ATXN1: variants seen among roughly 807,000 people sequenced by gnomAD.
ATXN1 encodes ataxin 1.
ATXN1 carries 8 observed loss-of-function variants against 56.4 expected under a neutral mutation model. The ratio of observed to expected loss-of-function variants is 0.14; its 90% CI spans 0.08 to 0.26. The LOEUF is 0.26. Ranked by LOEUF, ATXN1 falls within the 10% of genes least tolerant of loss-of-function variation. ATXN1 has a pLI of 1.00. For synonymous variants in ATXN1, 514 were observed against 494.6 expected (o/e 1.04, Z -0.52); for missense variants, 987 against 1,106.5 (o/e 0.89, Z 1.53).
chr6:16,393,450 G>C (rs10949355), intron 6 of ATXN1, among the ~76,000 whole-genome samples: 15,593 of 152,092 alleles, frequency 0.1, 1,312 homozygotes, highest in East Asian at 0.47. Flanking sequence ...GCCCAGGCCG[G>C]TCTTGAATTC....
At chr6:16,514,747 G>T (rs951267049) in intron 5 of ATXN1, among the ~76,000 whole-genome samples, 1 of 151,994 alleles carries the variant, frequency 6.6e-6, no homozygotes, top group African/African-American at 2.4e-5. Context: ...ACTTTGGGAG[G>T]CCAAGGTGGG....
chr6:16,696,159 G>C (rs1252764027), intron 2 of ATXN1, among the ~76,000 whole-genome samples: 1 of 152,156 alleles, frequency 6.6e-6, no homozygotes, highest in East Asian at 1.9e-4. Flanking sequence ...ACACTGGCTA[G>C]GTGGAGAGAG....
At chr6:16,623,382 G>C (rs1230126697) in intron 3 of ATXN1, among the ~76,000 whole-genome samples, 1 of 152,052 alleles carries the variant, frequency 6.6e-6, no homozygotes, top group Admixed American at 6.6e-5. Context: ...TTCATTACTG[G>C]GAACTCCAGA....
rs145305083 is a variant in ATXN1, at chr6:16,332,763, C to T, written c.-160-4293G>A. ...TGTTCTGAATACATTCATCTTAAGC[C>T]GCTTTAGAGCTACATTAACTATCTC... On this transcript the variant is annotated intron_variant, in intron 6 of 7. Transcript: ENST00000436367. Among the ~76,000 whole-genome samples the T allele has an allele frequency of 5.3e-5, 8 of 152,250 alleles. No individual in the cohort carries two copies. The East Asian group carries it at 1.3e-3, about 26-fold the overall frequency.
chr6:16,637,996 G>T (rs977572880), intron 3 of ATXN1, among the ~76,000 whole-genome samples: 1 of 152,166 alleles, frequency 6.6e-6, no homozygotes, highest in Non-Finnish European at 1.5e-5. Flanking sequence ...TCACATACTA[G>T]TATGAAAGAG....
At chr6:16,347,796 G>T (rs1223215690) in intron 6 of ATXN1, among the ~76,000 whole-genome samples, 1 of 152,226 alleles carries the variant, frequency 6.6e-6, no homozygotes, top group Non-Finnish European at 1.5e-5. Flanking sequence ...CATGGGTAGG[G>T]CCAGATAAGA....
rs1445833029 is a variant in ATXN1 at position 16,305,188 on chromosome 6, A to G, written c.*1141T>C. ...ATGAGAGACCAAGATGCTTGGTAAT[A>G]AAGTGTGAACAGTATTTTTAAATGC... On this transcript the variant is annotated 3_prime_UTR_variant, in exon 8 of 8. Coordinates refer to ENST00000436367, the MANE Select transcript of ATXN1 (RefSeq NM_001128164.2). 5 of 152,650 alleles carry G rather than the reference A, an allele frequency of 3.3e-5. No individual in the cohort carries two copies. The highest frequency in any genetic ancestry group is 7.3e-5 in the Non-Finnish European group (5 of 68,042). 9.5% of individuals were successfully genotyped at this position (152,650 alleles called of 1,614,324 possible).
At chr6:16,523,446 A>C (rs1437905242) in intron 4 of ATXN1, among the ~76,000 whole-genome samples, 1 of 152,018 alleles carries the variant, frequency 6.6e-6, no homozygotes, top group Non-Finnish European at 1.5e-5. Context: ...CAACTCCTAG[A>C]CTCAAACTCC....
intron 2 of ATXN1, among the ~76,000 whole-genome samples, chr6:16,703,782 G>A (rs1308577707): frequency 6.6e-6 from 1 of 152,242 alleles, no homozygotes; most frequent in African/African-American, 2.4e-5. Context: ...CACTTTGGGA[G>A]GCCGAGGCGG....
chr6:16,563,839 T>A (rs1260566405), intron 4 of ATXN1, among the ~76,000 whole-genome samples: 3 of 152,132 alleles, frequency 2.0e-5, no homozygotes, highest in Non-Finnish European at 4.4e-5. Context: ...TCATCATCTT[T>A]TTGTCAACGG....
At position 16,327,177 on chromosome 6, in the gene ATXN1, G is replaced by C; in HGVS notation, c.1134C>G (p.Val378=). Residue 378 remains valine (V), a synonymous_variant, in exon 7 of 8, where the codon GTC becomes GTG. Coordinates refer to ENST00000436367, the MANE Select transcript of ATXN1 (RefSeq NM_001128164.2). ...SDYSSRDPSG[V]RASVMVLPNS... ...TGGGCAGGACCATCACAGAGGCCCG[G>C]ACCCCCGAAGGATCACGACTGCTGT... 1 of 1,613,886 alleles carries C rather than the reference G, an allele frequency of 6.2e-7. No individual in the cohort carries two copies. Among genetic ancestry groups the C allele is most frequent in the Non-Finnish European group, 8.5e-7 (1 of 1,180,028 alleles).
intron 4 of ATXN1, among the ~76,000 whole-genome samples, chr6:16,566,929 T>A (rs970421982): frequency 2.9e-4 from 44 of 152,160 alleles, no homozygotes; most frequent in African/African-American, 1.0e-3. Flanking sequence ...CCTAGGCTAG[T>A]CTCAAACTCC....
intron 5 of ATXN1, among the ~76,000 whole-genome samples, chr6:16,501,789 G>A (rs1760890550): frequency 6.6e-6 from 1 of 152,104 alleles, no homozygotes; most frequent in Non-Finnish European, 1.5e-5. Context: ...ACATATGTGT[G>A]CATGTGTCTT....
At chr6:16,310,777 G>A (rs1023218896) in intron 7 of ATXN1, among the ~76,000 whole-genome samples, 2 of 152,184 alleles carry the variant, frequency 1.3e-5, no homozygotes, top group African/African-American at 2.4e-5. Flanking sequence ...GTGAGCCACC[G>A]TGTCAGGCCT....
chr6:16,720,015 CAG>C (rs1759714875), intron 2 of ATXN1, among the ~76,000 whole-genome samples: 2 of 152,182 alleles, frequency 1.3e-5, no homozygotes, highest in African/African-American at 4.8e-5. Flanking sequence ...GGAAAACTAA[CAG>C]AGTTTCCCAT....
intron 6 of ATXN1, among the ~76,000 whole-genome samples, chr6:16,477,781 C>T (rs909396753): frequency 2.6e-5 from 4 of 152,210 alleles, no homozygotes; most frequent in African/African-American, 9.7e-5. Context: ...GCCTGGACTA[C>T]CCATTAATTC....
chr6:16,565,832 A>G (rs1762206634), intron 4 of ATXN1, among the ~76,000 whole-genome samples: 1 of 152,248 alleles, frequency 6.6e-6, no homozygotes. Context: ...ATCATGTTTT[A>G]TAACAGGTTA....
chr6:16,709,331 T>G (rs1464997494), intron 2 of ATXN1, among the ~76,000 whole-genome samples: 2 of 152,104 alleles, frequency 1.3e-5, no homozygotes, highest in African/African-American at 4.8e-5. Flanking sequence ...AATAAAAAAC[T>G]TCTTGAAAAA....
intron 5 of ATXN1, among the ~76,000 whole-genome samples, chr6:16,491,090 A>ATT (rs35884389): frequency 0.21 from 16,375 of 78,300 alleles, 3,211 homozygotes; most frequent in East Asian, 0.35. Context: ...GGATCCCTGG[A>ATT]TTTTTTTTTT....
Sources: gnomAD v4.1 joint callset for allele counts (sites outside exome capture counted in the v4.1 genomes callset) on GRCh38, gnomAD v4.1.1 for gene constraint, MANE v1.5 for transcripts, NCBI Gene and HGNC (gene_info 2026-07-23, HGNC 2026-07-21) for gene names.